Variants in IL6R observed in about 807,000 individuals in gnomAD.
The protein encoded by IL6R is interleukin-6 receptor subunit alpha.
In IL6R, 38 loss-of-function variants were observed where a neutral mutation model predicts 48.3. That is an observed-to-expected ratio of 0.79 (90% CI 0.61 to 1.03). The LOEUF is 1.03. Among genes scored for constraint, IL6R ranks in the 50% least tolerant of loss-of-function variants. The pLI is 0.00. For synonymous variants in IL6R, 264 were observed against 256.2 expected, an observed-to-expected ratio of 1.03 and a Z score of -0.29; for missense variants, 534 against 618.3, an observed-to-expected ratio of 0.86 and a Z score of 1.45.
At chr1:154,428,356 C>A (rs889861279) in intron 1 of IL6R, among the ~76,000 whole-genome samples, 6 of 152,074 alleles carry the variant, frequency 3.9e-5, no homozygotes, top group Admixed American at 3.3e-4. Flanking sequence ...GAACAGGGAA[C>A]CAGAAGCCCT....
At chr1:154,432,426 C>CT (rs1689344647) in intron 3 of IL6R, among the ~76,000 whole-genome samples, 1 of 149,590 alleles carries the variant, frequency 6.7e-6, no homozygotes, top group Non-Finnish European at 1.5e-5. Context: ...GGTGGGATCT[C>CT]GGCTCACTGC....
intron 7 of IL6R, among the ~76,000 whole-genome samples, chr1:154,449,556 A>G (rs2149263287): frequency 6.6e-6 from 1 of 152,278 alleles, no homozygotes; most frequent in Non-Finnish European, 1.5e-5. Flanking sequence ...CCAAGGTGAC[A>G]TAGCTCGTAA....
chr1:154,434,776 G>A, intron 4 of IL6R, 76 bp downstream of exon 4: 1 of 1,439,210 alleles, frequency 6.9e-7, no homozygotes, highest in Non-Finnish European at 9.5e-7. Context: ...TTCTCAGAGT[G>A]GCAGGGAAGG....
At chr1:154,431,807 G>A (rs1468075403) in intron 3 of IL6R, among the ~76,000 whole-genome samples, 1 of 152,152 alleles carries the variant, frequency 6.6e-6, no homozygotes, top group Non-Finnish European at 1.5e-5. Flanking sequence ...ACGAGTGATG[G>A]GTAGCATGCA....
rs1174972204 is a variant in IL6R at position 154,405,839 on chromosome 1, G to C, written c.85+125G>C. On this transcript the variant is annotated intron_variant, in intron 1 of 9. Transcript: ENST00000368485. This position sits in a 1 kb window ranked among gnomAD's most constrained non-coding sequence, Gnocchi z 5.2. The stretch of plus-strand genomic sequence containing the variant: ...GGTGCGACGGATCCCCTTTTCTGTG[G>C]CTGCCTTGAGGCCCCGCGGGTACCT... The C allele has an allele frequency of 1.5e-5, 11 of 732,750 alleles. No homozygotes were observed. The highest frequency in any genetic ancestry group is 2.3e-5 in the Non-Finnish European group (11 of 475,850). The allele number at this position is 732,750 out of a possible 1,614,324, so 45.4% of individuals were successfully genotyped here.
chr1:154,457,747 C>T (rs147163494), intron 9 of IL6R, among the ~76,000 whole-genome samples: 1 of 152,226 alleles, frequency 6.6e-6, no homozygotes, highest in Non-Finnish European at 1.5e-5. Context: ...GCTGGGTCTT[C>T]TAGGCAGTGG....
intron 1 of IL6R, among the ~76,000 whole-genome samples, chr1:154,421,724 A>T (rs976780977): frequency 1.3e-5 from 2 of 151,938 alleles, no homozygotes. Flanking sequence ...GGCTCAAGTG[A>T]TCCTTCTGCC....
chr1:154,455,940 C>T (rs1690858472), intron 9 of IL6R, among the ~76,000 whole-genome samples: 1 of 151,794 alleles, frequency 6.6e-6, no homozygotes, highest in Admixed American at 6.5e-5. Flanking sequence ...GACTGTAATC[C>T]CAGCTACTCG....
rs776718679 is a variant in IL6R, at chr1:154,435,154, A to T, written c.805A>T (p.Met269Leu). Residue 269 changes from methionine (M) to leucine (L), a missense_variant and splice_region_variant, in exon 5 of 10, where the codon ATG (methionine) becomes TTG (leucine). Transcript: ENST00000368485. ...ACGGTCAAAGACATTCACAACATGG[A>T]TGGTAAATTTATGTTTTACTTCTGG... The part of the protein sequence containing the change: ...AERSKTFTTW[M>L]VKDLQHHCVI... 6 of 1,613,946 alleles carry T rather than the reference A, an allele frequency of 3.7e-6. No individual in the cohort carries two copies. The highest frequency in any genetic ancestry group is 5.1e-6 in the Non-Finnish European group (6 of 1,179,842).
At chr1:154,447,840 G>A (rs919588572) in intron 6 of IL6R, among the ~76,000 whole-genome samples, 2 of 151,760 alleles carry the variant, frequency 1.3e-5, no homozygotes, top group South Asian at 2.1e-4. Flanking sequence ...TCAGCCTCCC[G>A]AGTAGCTGGG....
At chr1:154,428,153 T>C (rs1019864824) in intron 1 of IL6R, among the ~76,000 whole-genome samples, 1 of 152,264 alleles carries the variant, frequency 6.6e-6, no homozygotes, top group African/African-American at 2.4e-5. Flanking sequence ...TCTTAGATTC[T>C]ATGACTCTAT....
At chr1:154,434,900 TG>T in intron 4 of IL6R, 89 bp from the exon 5 acceptor site, 1 of 1,411,262 alleles carries the variant, frequency 7.1e-7, no homozygotes, top group Non-Finnish European at 9.7e-7. Context: ...CGGGGCTGGG[TG>T]GGGCCCTGCT....
chr1:154,414,580 T>C, intron 1 of IL6R: 2 of 750,404 alleles, frequency 2.7e-6, no homozygotes, highest in Non-Finnish European at 4.7e-6. Flanking sequence ...GATTTTCTCA[T>C]AGGCTTTCTT....
intron 9 of IL6R, among the ~76,000 whole-genome samples, chr1:154,455,653 C>T (rs896635255): frequency 3.3e-5 from 5 of 150,874 alleles, no homozygotes; most frequent in African/African-American, 9.7e-5. Context: ...AGGGTTTCAC[C>T]GTGTCAGCCA....
At chr1:154,431,495 G>T (rs974695275) in intron 3 of IL6R, among the ~76,000 whole-genome samples, 18 of 152,144 alleles carry the variant, frequency 1.2e-4, no homozygotes, top group African/African-American at 4.3e-4. Context: ...TATAAATTAG[G>T]TGCAGTAAGA....
chr1:154,454,510 A>AGTACATTC lies in IL6R; in HGVS notation c.1089_1090insGTACATTC (p.Leu364ValfsTer26). The AGTACATTC allele has an allele frequency of 6.2e-7, 1 of 1,612,816 alleles. No individual in the cohort carries two copies. The highest frequency in any genetic ancestry group is 8.5e-7 in the Non-Finnish European group (1 of 1,179,186). On this transcript the variant is annotated frameshift_variant, in exon 9 of 10. Transcript: ENST00000368485. LOFTEE classifies it high-confidence loss of function. ...TAGTGCAAGATTCTTCTTCAGTACC[A>AGTACATTC]CTGCCCACATTCCTGGTTGCTGGAG...
intron 6 of IL6R, among the ~76,000 whole-genome samples, chr1:154,444,095 C>T (rs1280943996): frequency 6.6e-6 from 1 of 152,310 alleles, no homozygotes; most frequent in East Asian, 1.9e-4. Flanking sequence ...CTCATCCTCG[C>T]ATTGCCTATC....
At chr1:154,413,019 T>C (rs950161965) in intron 1 of IL6R, among the ~76,000 whole-genome samples, 19 of 151,972 alleles carry the variant, frequency 1.3e-4, no homozygotes, top group Middle Eastern at 3.4e-3. Flanking sequence ...TTTTTTTTTT[T>C]GAGACAGAGT....
At chr1:154,414,120 G>A (rs1688195735) in intron 1 of IL6R, among the ~76,000 whole-genome samples, 1 of 152,100 alleles carries the variant, frequency 6.6e-6, no homozygotes, top group South Asian at 2.1e-4. Context: ...GCCTCCCAAA[G>A]TGCTGGGATT....
Sources: allele counts gnomAD v4.1 joint callset (sites outside exome capture counted in the v4.1 genomes callset), GRCh38; gene constraint gnomAD v4.1.1; non-coding constraint Gnocchi (gnomAD v3.1); transcripts MANE v1.5; gene names NCBI Gene and HGNC (gene_info 2026-07-23, HGNC 2026-07-21).